SNX30: variants seen among roughly 807,000 people sequenced by gnomAD.
SNX30 encodes sorting nexin family member 30.
A neutral mutation model predicts 46.4 loss-of-function variants in SNX30; 24 were observed. The ratio of observed to expected loss-of-function variants is 0.52; its 90% CI spans 0.37 to 0.73. The LOEUF is 0.73. Ranked by LOEUF, SNX30 falls within the 30% of genes least tolerant of loss-of-function variation. The probability of loss-of-function intolerance (pLI) is 0.00; values close to 1 mark genes in which losing one functional copy is unlikely to be tolerated. For synonymous variants in SNX30, 189 were observed against 211.5 expected, an observed-to-expected ratio of 0.89 and a Z score of 0.92; for missense variants, 533 against 555.7, an observed-to-expected ratio of 0.96 and a Z score of 0.41.
In SNX30 at chr9:112,871,985, A is replaced by G. The variant is rs1841453759; in HGVS notation, c.*3142A>G. 1 of 152,148 alleles carries G rather than the reference A, an allele frequency of 6.6e-6. No individual in the cohort carries two copies. Among genetic ancestry groups the G allele is most frequent in the Non-Finnish European group, 1.5e-5 (1 of 68,024 alleles). The allele number at this position is 152,148 out of a possible 1,614,324, so 9.4% of individuals were successfully genotyped here. ...TTCACCTTAAAGTGTGATTATGGAG[A>G]TGATTGGCTCCATATTCCACCACGT... On this transcript the variant is annotated 3_prime_UTR_variant, in exon 9 of 9. Transcript: ENST00000374232.
At chr9:112,843,040 G>A (rs2131467460) in intron 6 of SNX30, among the ~76,000 whole-genome samples, 1 of 152,326 alleles carries the variant, frequency 6.6e-6, no homozygotes. Context: ...AATTAGGGTA[G>A]TGATGGGTTG....
intron 7 of SNX30, among the ~76,000 whole-genome samples, chr9:112,852,208 A>C (rs943533724): frequency 6.6e-6 from 1 of 151,758 alleles, no homozygotes; most frequent in African/African-American, 2.4e-5. Context: ...GCGCCTGTGA[A>C]TGGCCACTGC....
intron 1 of SNX30, among the ~76,000 whole-genome samples, chr9:112,757,900 G>A (rs776067882): frequency 1.3e-5 from 2 of 152,128 alleles, no homozygotes; most frequent in Non-Finnish European, 2.9e-5. Flanking sequence ...AAGGGTTGCT[G>A]CCAATGTAAG....
rs368468413 is a variant in SNX30, at chr9:112,786,723, C to T, written c.157-18053C>T. Among the ~76,000 whole-genome samples, 265 of 151,774 alleles carry T rather than the reference C, an allele frequency of 1.7e-3. 1 individual carries two copies. Among genetic ancestry groups the T allele is most frequent in the African/African-American group, 5.9e-3 (243 of 41,366 alleles). On this transcript the variant is annotated intron_variant, in intron 1 of 8. Transcript: ENST00000374232. ...TCCACCATGTTGCCCAGGCTCATCT[C>T]GAACTTGTGGGCTCAAGCAATCTGC...
intron 1 of SNX30, among the ~76,000 whole-genome samples, chr9:112,768,647 C>CTTCTTCTTTTTTT (rs1554748345): frequency 7.8e-5 from 5 of 64,366 alleles, no homozygotes; most frequent in African/African-American, 1.6e-4. Context: ...ATTCTTTCTT[C>CTTCTTCTTTTTTT]TTTTTTTTTT....
At position 112,873,687 on chromosome 9, in the gene SNX30, G is replaced by A. The variant is rs1215204416; in HGVS notation, c.*4844G>A. 6 of 151,118 alleles carry A rather than the reference G, an allele frequency of 4.0e-5. No homozygotes were observed. In the East Asian group the frequency reaches 1.2e-3, roughly 29 times the overall value. The allele number at this position is 151,118 out of a possible 1,614,324, so 9.4% of individuals were successfully genotyped here. A position where few individuals can be genotyped will look rare whatever the true frequency, so the allele number is the denominator to read the frequency against. ...GATTAGTGCCTTTTGGCATACTTTT[G>A]ATTTTAGAGGATATAGTATCGGCAT... On this transcript the variant is annotated 3_prime_UTR_variant, in exon 9 of 9. Coordinates refer to ENST00000374232, the MANE Select transcript of SNX30 (RefSeq NM_001012994.2).
chr9:112,806,247 C>A (rs919417569), intron 2 of SNX30, among the ~76,000 whole-genome samples: 2 of 152,066 alleles, frequency 1.3e-5, no homozygotes, highest in Admixed American at 1.3e-4. Flanking sequence ...TGCCACCCCA[C>A]CCCCGACCAG....
chr9:112,789,098 G>A (rs79373229), intron 1 of SNX30, among the ~76,000 whole-genome samples: 9,789 of 152,148 alleles, frequency 0.064, 704 homozygotes, highest in African/African-American at 0.17. Flanking sequence ...ACCTGGCCCC[G>A]AGAACAGGAT....
chr9:112,836,336 C>A lies in SNX30; in HGVS notation c.741C>A (p.Asp247Glu), dbSNP rs1840750718. 6.2e-7 allele frequency: 1 copy of A among 1,613,012 alleles called. No homozygotes were observed. The highest frequency in any genetic ancestry group is 1.1e-5 in the South Asian group (1 of 91,058). Residue 247 changes from aspartate (D) to glutamate (E), a missense_variant, in exon 5 of 9, where the codon GAC becomes GAA. Asp to Glu is a conservative substitution (Grantham distance 45). Transcript: ENST00000374232. ...TRPLEFAAIGDYLDTFALKLG... is the reference protein window; with the variant it reads ...TRPLEFAAIGEYLDTFALKLG... ...CGCTTGAGTTTGCTGCCATAGGTGA[C>A]TACTTAGATACATTTGCACTCAAAC...
At chr9:112,797,880 T>TG (rs1173712135) in intron 1 of SNX30, among the ~76,000 whole-genome samples, 1 of 147,430 alleles carries the variant, frequency 6.8e-6, no homozygotes, top group African/African-American at 2.5e-5. Context: ...GGTATTTTTT[T>TG]TTTTTTTTTT....
chr9:112,864,362 T>C lies in SNX30; in HGVS notation c.1217T>C (p.Met406Thr). Reference sequence around the variant, plus strand: ...AGGCAGGACTTCCGGCAGCTACTCATGGGGATGGCTGACAAGAACATCCAG... The same window carrying C: ...AGGCAGGACTTCCGGCAGCTACTCACGGGGATGGCTGACAAGAACATCCAG... ...NKRQDFRQLL[M>T]GMADKNIQYY... The change falls in exon 8 of 9, where the codon ATG becomes ACG. Residue 406 changes from methionine to threonine, a missense_variant. By Grantham distance (81) the Met-to-Thr change is moderately conservative. This residue lies in a region of SNX30 where 261 missense variants were observed against 270.9 expected (regional missense o/e 0.96). Transcript: ENST00000374232. 2 of 1,614,208 alleles carry C rather than the reference T, an allele frequency of 1.2e-6. No homozygotes were observed. Among genetic ancestry groups the C allele is most frequent in the Non-Finnish European group, 1.7e-6 (2 of 1,180,036 alleles).
intron 6 of SNX30, among the ~76,000 whole-genome samples, chr9:112,846,409 CTCG>C (rs1335692944): frequency 6.6e-6 from 1 of 152,176 alleles, no homozygotes; most frequent in African/African-American, 2.4e-5. Flanking sequence ...GGACATCTAA[CTCG>C]CAGGTGGTCC....
At chr9:112,793,804 G>GTT (rs199882365) in intron 1 of SNX30, among the ~76,000 whole-genome samples, 14 of 139,170 alleles carry the variant, frequency 1.0e-4, no homozygotes, top group East Asian at 2.1e-4. Flanking sequence ...ACTGTTTTTT[G>GTT]TTTTTTTTTT....
chr9:112,865,757 GTGTA>G (rs1162602825), intron 8 of SNX30, among the ~76,000 whole-genome samples: 100 of 146,368 alleles, frequency 6.8e-4, no homozygotes, highest in African/African-American at 2.1e-3. Context: ...GTGTGTGTGT[GTGTA>G]TGTATGTATG....
At chr9:112,878,507 A>C (rs1841541595), downstream of SNX30, 1 of 152,160 alleles carries the variant, frequency 6.6e-6, no homozygotes, top group Non-Finnish European at 1.5e-5. Context: ...CCCTTATATT[A>C]GTGAGGTTGG....
chr9:112,845,747 T>A (rs1215781890), intron 6 of SNX30, among the ~76,000 whole-genome samples: 1 of 152,150 alleles, frequency 6.6e-6, no homozygotes, highest in Non-Finnish European at 1.5e-5. Context: ...GGTCCCTCAA[T>A]GAAAGGACCC....
At chr9:112,882,708 G>A (rs898680760), downstream of SNX30, among the ~76,000 whole-genome samples, 2 of 152,110 alleles carry the variant, frequency 1.3e-5, no homozygotes, top group Non-Finnish European at 2.9e-5. Context: ...ATGAAGGACA[G>A]GTTTCTACCC....
intron 8 of SNX30, among the ~76,000 whole-genome samples, chr9:112,865,172 C>A (rs1244355343): frequency 6.9e-6 from 1 of 143,926 alleles, no homozygotes; most frequent in African/African-American, 2.6e-5. Context: ...ACAACCCCCC[C>A]ACACACGACA....
intron 6 of SNX30, among the ~76,000 whole-genome samples, chr9:112,849,690 G>A (rs1840994327): frequency 6.6e-6 from 1 of 152,176 alleles, no homozygotes; most frequent in Non-Finnish European, 1.5e-5. Context: ...TTAGAAGGTT[G>A]AACCCACAAC....
Sources: gnomAD v4.1 joint callset for allele counts (sites outside exome capture counted in the v4.1 genomes callset) on GRCh38, gnomAD v4.1.1 for gene constraint, gnomAD v4.1.1 regional missense constraint, MANE v1.5 for transcripts, NCBI Gene and HGNC (gene_info 2026-07-23, HGNC 2026-07-21) for gene names.